The following DCP1B variants were observed in gnomAD, a reference collection of about 807,000 sequenced individuals.
DCP1B encodes the protein mRNA-decapping enzyme 1B.
DCP1B carries 47 observed loss-of-function variants against 60.5 expected under a neutral mutation model. The observed-to-expected ratio is 0.78, with a 90% CI of 0.61 to 0.99. The LOEUF (loss-of-function observed/expected upper bound fraction) is 0.99. Among genes scored for constraint, DCP1B ranks in the 50% least tolerant of loss-of-function variants. The pLI is 0.00. For missense variants in DCP1B, 725 were observed against 756.8 expected, an observed-to-expected ratio of 0.96 and a Z score of 0.49; for synonymous variants, 267 against 280.3, an observed-to-expected ratio of 0.95 and a Z score of 0.47.
chr12:1,943,640 C>T (rs1280625037), downstream of DCP1B, among the ~76,000 whole-genome samples: 1 of 152,226 alleles, frequency 6.6e-6, no homozygotes, highest in East Asian at 1.9e-4. Flanking sequence ...TCAACATACA[C>T]AAACCAATAA....
chr12:1,957,486 C>CA (rs532140471), intron 5 of DCP1B, among the ~76,000 whole-genome samples: 89 of 152,160 alleles, frequency 5.8e-4, no homozygotes, highest in Middle Eastern at 3.4e-3. Context: ...TATCATTCAA[C>CA]AAAAAAATTT....
At chr12:1,997,340 A>G (rs1455550310) in intron 2 of DCP1B, among the ~76,000 whole-genome samples, 1 of 152,180 alleles carries the variant, frequency 6.6e-6, no homozygotes, top group African/African-American at 2.4e-5. Context: ...CAGCCTGACC[A>G]ACATGGTGAA....
intron 3 of DCP1B, among the ~76,000 whole-genome samples, chr12:1,970,139 A>C (rs2031845028): frequency 6.6e-6 from 1 of 152,216 alleles, no homozygotes; most frequent in Admixed American, 6.5e-5. Flanking sequence ...TGTTGATACA[A>C]ATAGAAAAGC....
chr12:1,970,395 T>C (rs1489567325), intron 3 of DCP1B, among the ~76,000 whole-genome samples: 1 of 152,006 alleles, frequency 6.6e-6, no homozygotes, highest in African/African-American at 2.4e-5. Flanking sequence ...GACAGAAAAT[T>C]TAAATAGCCA....
intron 3 of DCP1B, among the ~76,000 whole-genome samples, chr12:1,985,162 T>C (rs1445647830): frequency 1.3e-5 from 2 of 152,174 alleles, no homozygotes; most frequent in Admixed American, 1.3e-4. Context: ...ATTTGTCTCC[T>C]TCATTAGACT....
rs558380497 is a variant in DCP1B at position 1,948,920 on chromosome 12, C to T, written c.1773+166G>A. ...GCCACACTTGGTATTATAAATAACA[C>T]CTAGCTAACTGAGCACAGAAGCCGC... On this transcript the variant is annotated intron_variant, in intron 8 of 8. Coordinates refer to ENST00000280665, the MANE Select transcript of DCP1B (RefSeq NM_152640.5). This position sits in a 1 kb window ranked among gnomAD's most constrained non-coding sequence, Gnocchi z 4.8. Among the ~76,000 whole-genome samples the T allele has an allele frequency of 6.6e-6, 1 of 152,352 alleles. No individual in the cohort carries two copies. Among genetic ancestry groups the T allele is most frequent in the South Asian group, 2.1e-4 (1 of 4,828 alleles).
intron 5 of DCP1B, among the ~76,000 whole-genome samples, chr12:1,961,683 A>T (rs1470100026): frequency 6.6e-6 from 1 of 152,212 alleles, no homozygotes; most frequent in Non-Finnish European, 1.5e-5. Flanking sequence ...CTGAGTTCAC[A>T]TGGAAGAATA....
intron 8 of DCP1B, among the ~76,000 whole-genome samples, chr12:1,946,559 G>A (rs1464595437): frequency 6.6e-6 from 1 of 152,218 alleles, no homozygotes; most frequent in Non-Finnish European, 1.5e-5. Flanking sequence ...GCAGCATGGA[G>A]CAAGGTTTAC....
At position 1,952,764 on chromosome 12, in the gene DCP1B, G is replaced by A; in HGVS notation, c.1176C>T (p.Thr392=). 6.2e-7 allele frequency: 1 copy of A among 1,614,190 alleles called. No individual in the cohort carries two copies. Among genetic ancestry groups the A allele is most frequent in the African/African-American group, 1.3e-5 (1 of 75,032 alleles). The change falls in exon 7 of 9, where the codon ACC becomes ACT. Residue 392 remains threonine (T), a synonymous_variant. Coordinates refer to ENST00000280665, the MANE Select transcript of DCP1B (RefSeq NM_152640.5). The part of the protein sequence containing the change: ...LNRSRAPTSV[T]PVAPGKGLAQ... ...CCAGACCCTTTCCTGGAGCCACAGG[G>A]GTGACAGAAGTGGGAGCTCTGCTGC...
chr12:1,993,543 G>T, intron 2 of DCP1B, 152 bp from the exon 3 acceptor site: 1 of 881,228 alleles, frequency 1.1e-6, no homozygotes, highest in Non-Finnish European at 1.7e-6. Flanking sequence ...TTCACCACTG[G>T]CATCATTATG....
In DCP1B at chr12:1,962,561, T is replaced by C. The variant is rs1158846358; in HGVS notation, c.522+2997A>G. 6.6e-6 allele frequency among the ~76,000 whole-genome samples: 1 copy of C among 152,290 alleles called. No individual in the cohort carries two copies. Among genetic ancestry groups the C allele is most frequent in the East Asian group, 1.9e-4 (1 of 5,186 alleles). ...GGGCAGAAATGTCACCTTTTGAAGA[T>C]TAATCTTTAGTGTGCATAATATAGT... On this transcript the variant is annotated intron_variant, in intron 5 of 8. Coordinates refer to ENST00000280665, the MANE Select transcript of DCP1B (RefSeq NM_152640.5). This position sits in a 1 kb window ranked among gnomAD's most constrained non-coding sequence, Gnocchi z 4.4.
chr12:1,956,942 A>T (rs2030906584), intron 5 of DCP1B, among the ~76,000 whole-genome samples: 1 of 152,230 alleles, frequency 6.6e-6, no homozygotes, highest in Non-Finnish European at 1.5e-5. Flanking sequence ...ATGGGCTAAC[A>T]GGATGCTTTG....
At chr12:1,996,645 A>AC (rs1235613576) in intron 2 of DCP1B, among the ~76,000 whole-genome samples, 8 of 93,956 alleles carry the variant, frequency 8.5e-5, no homozygotes, top group East Asian at 3.8e-4. Context: ...AAAAAAAAAA[A>AC]AAAAAAAAAA....
At chr12:1,982,091 C>T (rs11062040) in intron 3 of DCP1B, among the ~76,000 whole-genome samples, 82,307 of 151,870 alleles carry the variant, frequency 0.54, 22,809 homozygotes, top group African/African-American at 0.66. Flanking sequence ...GCTTGTGCTA[C>T]AGGAAGATAA....
chr12:1,986,280 A>G lies in DCP1B; in HGVS notation c.319+6984T>C, dbSNP rs185591984. Among the ~76,000 whole-genome samples, 158 of 152,124 alleles carry G rather than the reference A, an allele frequency of 1.0e-3. 4 individuals are homozygous for G. The East Asian group carries it at 0.027, about 26-fold the overall frequency. On this transcript the variant is annotated intron_variant, in intron 3 of 8. Transcript: ENST00000280665. ...ACCCAGGATTTGCATGAGTTCCTAG[A>G]CAGAATTAGGAGATCTCCTCATCCA... is the stretch of plus-strand genomic sequence containing the variant.
At chr12:1,989,492 T>C (rs1217066158) in intron 3 of DCP1B, among the ~76,000 whole-genome samples, 8 of 152,234 alleles carry the variant, frequency 5.3e-5, no homozygotes, top group Non-Finnish European at 1.2e-4. Flanking sequence ...AGGTGGGTGA[T>C]CACTTGAAGT....
chr12:2,000,911 C>T (rs1054677303), intron 1 of DCP1B, among the ~76,000 whole-genome samples: 5 of 152,072 alleles, frequency 3.3e-5, no homozygotes, highest in Admixed American at 3.3e-4. Flanking sequence ...GTGGCAGGCG[C>T]CTGTAATCCT....
intron 5 of DCP1B, among the ~76,000 whole-genome samples, chr12:1,963,377 G>C (rs1471797781): frequency 6.6e-6 from 1 of 152,204 alleles, no homozygotes; most frequent in East Asian, 1.9e-4. Flanking sequence ...TCATTGACCA[G>C]GGCTGTTTGA....
intron 5 of DCP1B, chr12:1,961,240 G>A (rs1340127282): frequency 1.3e-5 from 2 of 152,194 alleles, no homozygotes; most frequent in East Asian, 3.8e-4. Flanking sequence ...ATTTGTAGAG[G>A]GTAGTAGGGT....
Sources: gnomAD v4.1 joint callset for allele counts (sites outside exome capture counted in the v4.1 genomes callset) on GRCh38, gnomAD v4.1.1 for gene constraint, Gnocchi (gnomAD v3.1) non-coding constraint, MANE v1.5 for transcripts, NCBI Gene and HGNC (gene_info 2026-07-23, HGNC 2026-07-21) for gene names.